DISC1: variants seen among roughly 807,000 people sequenced by gnomAD.
DISC1 encodes the protein DISC1 scaffold protein.
DISC1 carries 57 observed loss-of-function variants against 84.5 expected under a neutral mutation model. The observed-to-expected ratio is 0.67, with a 90% CI of 0.55 to 0.84. The LOEUF (loss-of-function observed/expected upper bound fraction) is 0.84, where lower values mean the gene tolerates loss of function less well. Ranked by LOEUF, DISC1 falls within the 40% of genes least tolerant of loss-of-function variation. DISC1 has a pLI of 0.00. For synonymous variants in DISC1, 411 were observed against 415.2 expected, an observed-to-expected ratio of 0.99 and a Z score of 0.12; for missense variants, 1,000 against 1,057.8, an observed-to-expected ratio of 0.95 and a Z score of 0.76.
intron 9 of DISC1, among the ~76,000 whole-genome samples, chr1:231,875,435 G>T (rs1313086896): frequency 1.3e-5 from 2 of 152,184 alleles, no homozygotes; most frequent in Non-Finnish European, 2.9e-5. Context: ...AATGTCTGCT[G>T]CTGTAAGGAT....
intron 8 of DISC1, among the ~76,000 whole-genome samples, chr1:231,803,002 T>C (rs2125658456): frequency 6.6e-6 from 1 of 152,330 alleles, no homozygotes; most frequent in South Asian, 2.1e-4. Flanking sequence ...ATTTTCATTA[T>C]CTACTGCTGC....
intron 11 of DISC1, among the ~76,000 whole-genome samples, chr1:232,023,984 C>A (rs1384561991): frequency 1.3e-5 from 2 of 151,526 alleles, no homozygotes; most frequent in Non-Finnish European, 1.5e-5. Context: ...CCCTCAATTT[C>A]ATATCTTTGA....
intron 3 of DISC1, chr1:231,721,097 G>A: frequency 7.8e-7 from 1 of 1,289,584 alleles, no homozygotes. Flanking sequence ...GAGAAATGAT[G>A]TCCTCATCTG....
chr1:231,998,064 C>T lies in DISC1; in HGVS notation c.2043-10721C>T, dbSNP rs11808247. On this transcript the variant is annotated intron_variant, in intron 10 of 12. Coordinates refer to ENST00000439617, the MANE Select transcript of DISC1 (RefSeq NM_018662.3). ...TGGAAACATGACATAAAACATGAAG[C>T]CCTAAAAAGGAGTCAAATGGAAAAT... 7.5e-3 allele frequency among the ~76,000 whole-genome samples: 1,140 copies of T among 152,152 alleles called. 19 individuals are homozygous for T. The highest frequency in any genetic ancestry group is 0.026 in the African/African-American group (1,085 of 41,496).
chr1:231,910,736 C>T (rs2089132144), intron 9 of DISC1, among the ~76,000 whole-genome samples: 2 of 152,202 alleles, frequency 1.3e-5, no homozygotes, highest in Admixed American at 6.5e-5. Flanking sequence ...TCCTTGTTAA[C>T]TTTCTGTCTG....
intron 9 of DISC1, among the ~76,000 whole-genome samples, chr1:231,856,287 G>A (rs1444800667): frequency 1.3e-5 from 2 of 151,874 alleles, no homozygotes; most frequent in Non-Finnish European, 2.9e-5. Flanking sequence ...GGAAGAAGGT[G>A]GCAGGTCCAG....
At position 232,031,188 on chromosome 1, in the gene DISC1, GGAGAGACA is replaced by G. The variant is rs932442774; in HGVS notation, c.2425+4643_2425+4650del. Among the ~76,000 whole-genome samples, 18 of 106,732 alleles carry G rather than the reference GGAGAGACA, an allele frequency of 1.7e-4. No homozygotes were observed. The highest frequency in any genetic ancestry group is 3.1e-4 in the Non-Finnish European group (15 of 47,694). 70.0% of individuals were successfully genotyped at this position (106,732 alleles called of 152,430 possible). A position where few individuals can be genotyped will look rare whatever the true frequency, so the allele number is the denominator to read the frequency against. On this transcript the variant is annotated intron_variant, in intron 12 of 12. Coordinates refer to ENST00000439617, the MANE Select transcript of DISC1 (RefSeq NM_018662.3). This position sits in a 1 kb window ranked among gnomAD's most constrained non-coding sequence, Gnocchi z 4.6. ...GAACAGGAAGGAAGGAAGGGAGAAAGGAGAGACAGAGAGAGAGGAAGGAAGGAAGGGAG... is the reference window on the plus strand; with the variant it reads ...GAACAGGAAGGAAGGAAGGGAGAAAGGAGAGAGAGGAAGGAAGGAAGGGAG...
intron 6 of DISC1, among the ~76,000 whole-genome samples, chr1:231,782,826 C>T (rs1273005822): frequency 6.6e-6 from 1 of 151,974 alleles, no homozygotes; most frequent in East Asian, 1.9e-4. Flanking sequence ...TGTGTAGTTC[C>T]AGCTACTCGG....
chr1:231,783,229 A>G (rs1289077113), intron 6 of DISC1, among the ~76,000 whole-genome samples: 1 of 152,200 alleles, frequency 6.6e-6, no homozygotes, highest in East Asian at 1.9e-4. Flanking sequence ...TTGTTTGGAC[A>G]TTTAAATACA....
At chr1:231,859,069 C>A (rs2084459985) in intron 9 of DISC1, among the ~76,000 whole-genome samples, 1 of 152,166 alleles carries the variant, frequency 6.6e-6, no homozygotes, top group South Asian at 2.1e-4. Flanking sequence ...ATCTCATCAA[C>A]CTATTTTGGA....
intron 4 of DISC1, among the ~76,000 whole-genome samples, chr1:231,756,013 G>A (rs73117183): frequency 0.032 from 4,867 of 152,238 alleles, 178 homozygotes; most frequent in African/African-American, 0.088. Context: ...TAAAATTCAT[G>A]TTGCTTAGCA....
At chr1:231,956,200 C>T (rs1400287822) in intron 9 of DISC1, among the ~76,000 whole-genome samples, 2 of 152,190 alleles carry the variant, frequency 1.3e-5, no homozygotes, top group Non-Finnish European at 2.9e-5. Context: ...TGTCCAATCA[C>T]GTTTCTACAC....
At chr1:231,799,670 G>C (rs755943832) in intron 7 of DISC1, among the ~76,000 whole-genome samples, 21 of 151,732 alleles carry the variant, frequency 1.4e-4, no homozygotes, top group Non-Finnish European at 2.9e-5. Context: ...GCAGAGGCCT[G>C]GAGAAGGCAG....
chr1:232,029,175 G>A (rs1323386573), intron 12 of DISC1, among the ~76,000 whole-genome samples: 2 of 152,182 alleles, frequency 1.3e-5, no homozygotes, highest in Admixed American at 6.5e-5. Context: ...AAGCGGAGAA[G>A]CACTGGTTTA....
chr1:231,959,322 A>G (rs1270694228), intron 10 of DISC1: 1 of 985,698 alleles, frequency 1.0e-6, no homozygotes. Flanking sequence ...CAAAACCAGC[A>G]TGAAAATTTC....
intron 9 of DISC1, among the ~76,000 whole-genome samples, chr1:231,902,044 CATATT>C (rs1230756667): frequency 3.3e-5 from 5 of 151,700 alleles, no homozygotes; most frequent in African/African-American, 9.7e-5. Flanking sequence ...AATTATTAAA[CATATT>C]ATATTTATTA....
intron 9 of DISC1, among the ~76,000 whole-genome samples, chr1:231,948,656 T>TC (rs1657720847): frequency 6.6e-6 from 1 of 151,834 alleles, no homozygotes; most frequent in Non-Finnish European, 1.5e-5. Context: ...ATTCCCGTGT[T>TC]CTGGGTACCA....
intron 1 of DISC1, among the ~76,000 whole-genome samples, chr1:231,645,921 A>G (rs1572454331): frequency 6.6e-6 from 1 of 150,940 alleles, no homozygotes; most frequent in South Asian, 2.1e-4. Context: ...TTTAGAGATA[A>G]CAATACTCAC....
intron 9 of DISC1, among the ~76,000 whole-genome samples, chr1:231,905,404 A>G (rs960269464): frequency 6.6e-6 from 1 of 152,084 alleles, no homozygotes; most frequent in Non-Finnish European, 1.5e-5. Context: ...GGATTGCTTG[A>G]GCCTGAGAGT....
Sources: allele counts gnomAD v4.1 joint callset (sites outside exome capture counted in the v4.1 genomes callset), GRCh38; gene constraint gnomAD v4.1.1; non-coding constraint Gnocchi (gnomAD v3.1); transcripts MANE v1.5; gene names NCBI Gene and HGNC (gene_info 2026-07-23, HGNC 2026-07-21).